ANO5: variants seen among roughly 807,000 people sequenced by gnomAD.
ANO5 encodes the protein anoctamin 5.
A neutral mutation model predicts 121.0 loss-of-function variants in ANO5; 109 were observed. The observed-to-expected ratio is 0.90, with a 90% CI of 0.77 to 1.06. The LOEUF is 1.06. Ranked by LOEUF, ANO5 falls within the 50% of genes least tolerant of loss-of-function variation. The pLI, the probability that ANO5 is intolerant of heterozygous loss-of-function variation, is 0.00. For missense variants in ANO5, 1,064 were observed against 1,078.5 expected, an observed-to-expected ratio of 0.99 and a Z score of 0.19; for synonymous variants, 406 against 359.9, an observed-to-expected ratio of 1.13 and a Z score of -1.45.
At chr11:22,218,700 A>G (rs1052974414) in intron 4 of ANO5, among the ~76,000 whole-genome samples, 12 of 152,040 alleles carry the variant, frequency 7.9e-5, no homozygotes, top group Non-Finnish European at 1.3e-4. Flanking sequence ...AACTGGGACC[A>G]CAGGGGCACA....
intron 12 of ANO5, among the ~76,000 whole-genome samples, chr11:22,254,346 T>C (rs979605463): frequency 2.6e-5 from 4 of 152,182 alleles, no homozygotes; most frequent in Non-Finnish European, 5.9e-5. Flanking sequence ...TATGAGTTAA[T>C]ATTGGAGGTG....
At position 22,262,976 on chromosome 11, in the gene ANO5, A is replaced by G; in HGVS notation, c.1831A>G (p.Thr611Ala). 1 of 1,613,634 alleles carries G rather than the reference A, an allele frequency of 6.2e-7. No homozygotes were observed. The highest frequency in any genetic ancestry group is 8.5e-7 in the Non-Finnish European group (1 of 1,179,708). Residue 611 changes from threonine to alanine, a missense_variant, in exon 17 of 22, where the codon ACA becomes GCA. By Grantham distance (58) the Thr-to-Ala change is moderately conservative (BLOSUM62 0). Coordinates refer to ENST00000324559, the MANE Select transcript of ANO5 (RefSeq NM_213599.3). Reference protein sequence around the residue: ...CDPGGCLIELTTQLTIIMTGK... With the variant: ...CDPGGCLIELATQLTIIMTGK... ...TCCTGGAGGCTGTCTTATAGAATTG[A>G]CAACCCAATTGACCATTATAATGAC...
chr11:22,218,125 A>T lies in ANO5; in HGVS notation c.139-121A>T, dbSNP rs1852519886. On this transcript the variant is annotated intron_variant, in intron 3 of 21. Transcript: ENST00000324559. Reference sequence around the variant, plus strand: ...CTCCAGTTTGAAATATCACACACACACACACACACACACACTTATAAAATG... The same window carrying T: ...CTCCAGTTTGAAATATCACACACACTCACACACACACACACTTATAAAATG... The T allele has an allele frequency of 4.1e-6, 4 of 986,178 alleles. No individual in the cohort carries two copies. The South Asian group carries it at 4.1e-5, about 10-fold the overall frequency. The allele number at this position is 986,178 out of a possible 1,614,324, so 61.1% of individuals were successfully genotyped here.
intron 21 of ANO5, among the ~76,000 whole-genome samples, chr11:22,277,045 T>G (rs1054853051): frequency 6.6e-6 from 1 of 151,338 alleles, no homozygotes; most frequent in Admixed American, 6.6e-5. Flanking sequence ...ATATCCAAAG[T>G]AAACTTCTCA....
chr11:22,207,815 C>T (rs1351600265), intron 2 of ANO5, among the ~76,000 whole-genome samples: 1 of 151,678 alleles, frequency 6.6e-6, no homozygotes, highest in Non-Finnish European at 1.5e-5. Context: ...TATAAAGAAC[C>T]CATAAAATTT....
rs1851702282 is a variant in ANO5 at position 22,193,236 on chromosome 11, A to G, written c.-257A>G. ...AAGCGCAGGGCCAAGCGCGCGAAGC[A>G]GGTTGTGGGGGACCGGGTCGAGTGG... On this transcript the variant is annotated 5_prime_UTR_variant, in exon 1 of 22. Coordinates refer to ENST00000324559, the MANE Select transcript of ANO5 (RefSeq NM_213599.3). The G allele has an allele frequency of 1.8e-6, 2 of 1,101,026 alleles. No individual in the cohort carries two copies. Among genetic ancestry groups the G allele is most frequent in the South Asian group, 6.3e-5 (2 of 32,000 alleles). The allele number at this position is 1,101,026 out of a possible 1,614,324, so 68.2% of individuals were successfully genotyped here.
chr11:22,233,988 G>A (rs1217032221), intron 7 of ANO5, among the ~76,000 whole-genome samples: 3 of 152,046 alleles, frequency 2.0e-5, no homozygotes, highest in African/African-American at 4.8e-5. Flanking sequence ...CACTGGCAAA[G>A]CCGTATTTCA....
At chr11:22,278,084 T>C (rs982898799) in intron 21 of ANO5, 9 of 151,740 alleles carry the variant, frequency 5.9e-5, no homozygotes, top group African/African-American at 1.2e-4. Context: ...TTTGAAGATA[T>C]TGCTTCATTT....
At chr11:22,198,369 T>G (rs1028981411) in intron 1 of ANO5, among the ~76,000 whole-genome samples, 14 of 152,058 alleles carry the variant, frequency 9.2e-5, no homozygotes, top group African/African-American at 2.9e-4. Flanking sequence ...AAGCAAGAGT[T>G]AGAAAGGGAA....
rs1424745167 is a variant in ANO5 at position 22,257,446 on chromosome 11, A to T, written c.1333-234A>T. On this transcript the variant is annotated intron_variant, in intron 13 of 21. Coordinates refer to ENST00000324559, the MANE Select transcript of ANO5 (RefSeq NM_213599.3). ...TAAACATTGTAATTCAGCATTTAGG[A>T]AATTGTGTGTATCCATTATGTTTCA... Among the ~76,000 whole-genome samples, 7 of 152,146 alleles carry T rather than the reference A, an allele frequency of 4.6e-5. No individual in the cohort carries two copies. In the East Asian group the frequency reaches 1.3e-3, roughly 29 times the overall value.
chr11:22,217,987 T>C (rs979460634), intron 3 of ANO5, among the ~76,000 whole-genome samples: 1 of 151,982 alleles, frequency 6.6e-6, no homozygotes, highest in Non-Finnish European at 1.5e-5. Context: ...TATTTATTAT[T>C]TTTAGTCACT....
At chr11:22,199,370 T>C (rs1456067650) in intron 1 of ANO5, among the ~76,000 whole-genome samples, 1 of 152,172 alleles carries the variant, frequency 6.6e-6, no homozygotes, top group Non-Finnish European at 1.5e-5. Context: ...TTTGAATTTA[T>C]GTCATACTCT....
chr11:22,231,740 A>G (rs1281518046), intron 7 of ANO5, among the ~76,000 whole-genome samples: 2 of 151,976 alleles, frequency 1.3e-5, no homozygotes, highest in Non-Finnish European at 2.9e-5. Flanking sequence ...ATCTAAGGAC[A>G]TGCACATTTA....
At chr11:22,245,297 A>G (rs1853579938) in intron 9 of ANO5, among the ~76,000 whole-genome samples, 2 of 152,144 alleles carry the variant, frequency 1.3e-5, no homozygotes, top group African/African-American at 2.4e-5. Context: ...CCTTGCTGGT[A>G]TGCTTCGGGA....
At chr11:22,235,894 G>A (rs948931450) in intron 7 of ANO5, among the ~76,000 whole-genome samples, 5 of 152,128 alleles carry the variant, frequency 3.3e-5, no homozygotes, top group Non-Finnish European at 7.4e-5. Flanking sequence ...GAACTAAAGA[G>A]GAGGTTTGGA....
intron 21 of ANO5, among the ~76,000 whole-genome samples, chr11:22,278,762 C>T (rs1419067285): frequency 6.6e-6 from 1 of 151,678 alleles, no homozygotes; most frequent in Non-Finnish European, 1.5e-5. Context: ...TTATTTTTCC[C>T]AGAGAAAGCC....
intron 19 of ANO5, among the ~76,000 whole-genome samples, chr11:22,274,183 CA>C (rs1477421546): frequency 6.6e-6 from 1 of 151,768 alleles, no homozygotes; most frequent in East Asian, 1.9e-4. Flanking sequence ...CACACACACA[CA>C]CACACACACC....
rs398124624 is a variant in ANO5, at chr11:22,227,294, T to A, written c.364-8T>A. 6.2e-6 allele frequency: 10 copies of A among 1,612,280 alleles called. No homozygotes were observed. Among genetic ancestry groups the A allele is most frequent in the African/African-American group, 2.7e-5 (2 of 74,084 alleles). On this transcript the variant is annotated splice_polypyrimidine_tract_variant and splice_region_variant and intron_variant, in intron 6 of 21. Coordinates refer to ENST00000324559, the MANE Select transcript of ANO5 (RefSeq NM_213599.3). ...GCTTTCTGCTGTTTTGCCTTTTTTT[T>A]AATGCAGGACTCGGAAGATGGAAGA...
intron 18 of ANO5, among the ~76,000 whole-genome samples, chr11:22,272,302 G>GCGCACA (rs148086026): frequency 3.0e-5 from 4 of 134,488 alleles, no homozygotes; most frequent in African/African-American, 8.2e-5. Flanking sequence ...TCCTTTTCCG[G>GCGCACA]CACACACACA....
Sources: allele counts gnomAD v4.1 joint callset (sites outside exome capture counted in the v4.1 genomes callset), GRCh38; gene constraint gnomAD v4.1.1; transcripts MANE v1.5; gene names NCBI Gene and HGNC (gene_info 2026-07-23, HGNC 2026-07-21).